Variants in TBCD observed in about 807,000 individuals in gnomAD.
The protein encoded by TBCD is tubulin-specific chaperone D.
Under a neutral mutation model 169.3 loss-of-function variants are expected in TBCD, and 105 were observed. The observed-to-expected ratio is 0.62, with a 90% confidence interval of 0.53 to 0.73. TBCD has a LOEUF of 0.73. Among genes scored for constraint, TBCD ranks in the 30% least tolerant of loss-of-function variants. The pLI, the probability that TBCD is intolerant of heterozygous loss-of-function variation, is 0.00. For missense variants in TBCD, 1,444 were observed against 1,600.1 expected, an observed-to-expected ratio of 0.90 and a Z score of 1.66; for synonymous variants, 700 against 643.9, an observed-to-expected ratio of 1.09 and a Z score of -1.32.
intron 14 of TBCD, among the ~76,000 whole-genome samples, chr17:82,878,777 G>A (rs1449623337): frequency 6.6e-6 from 1 of 152,182 alleles, no homozygotes; most frequent in Non-Finnish European, 1.5e-5. Context: ...AGACCTTGTT[G>A]TGTGGTCTGG....
In TBCD at chr17:82,797,787, G is replaced by A. The variant is rs746762918; in HGVS notation, c.802G>A (p.Asp268Asn). ...AATATTTAAACATGGAAAACGTGAA[G>A]ACTGTTTGCCCTATGGTAAGGTTTA... ...AQIFKHGKRE[D>N]CLPYAATVLR... Residue 268 changes from aspartate (D) to asparagine (N), a missense_variant, in exon 8 of 39, where the codon GAC becomes AAC. By Grantham distance (23) the Asp-to-Asn change is conservative (BLOSUM62 1). Coordinates refer to ENST00000355528, the MANE Select transcript of TBCD (RefSeq NM_005993.5). 1 of 1,569,386 alleles carries A rather than the reference G, an allele frequency of 6.4e-7. No individual in the cohort carries two copies. The highest frequency in any genetic ancestry group is 1.2e-5 in the South Asian group (1 of 84,128).
rs572235532 is a variant in TBCD at position 82,808,170 on chromosome 17, A to G, written c.1148+502A>G. On this transcript the variant is annotated intron_variant, in intron 11 of 38. Coordinates refer to ENST00000355528, the MANE Select transcript of TBCD (RefSeq NM_005993.5). Reference sequence around the variant, plus strand: ...CCAGTGGGGCCTGGCCTTGAACACAACAGGTGGAGCCCTGGCCTGGAGGAG... The same window carrying G: ...CCAGTGGGGCCTGGCCTTGAACACAGCAGGTGGAGCCCTGGCCTGGAGGAG... Among the ~76,000 whole-genome samples, 568 of 152,168 alleles carry G rather than the reference A, an allele frequency of 3.7e-3. 7 individuals carry two copies. Among genetic ancestry groups the G allele is most frequent in the Non-Finnish European group, 3.0e-3 (207 of 67,984 alleles).
intron 9 of TBCD, among the ~76,000 whole-genome samples, chr17:82,802,906 C>A (rs1322603914): frequency 6.6e-6 from 1 of 152,254 alleles, no homozygotes; most frequent in Non-Finnish European, 1.5e-5. Flanking sequence ...AGAAAATAAT[C>A]CAGTATCCTA....
chr17:82,846,262 T>C (rs8068903), intron 13 of TBCD, among the ~76,000 whole-genome samples: 26,018 of 67,678 alleles, frequency 0.38, 5,398 homozygotes, highest in South Asian at 0.48. Context: ...CGCTGCGTCC[T>C]CTGTGCTGTG....
In TBCD at chr17:82,752,178, TC is replaced by T. The variant is rs1407796204; in HGVS notation, c.-12del. The T allele has an allele frequency of 4.0e-6, 6 of 1,506,914 alleles. No individual in the cohort carries two copies. The highest frequency in any genetic ancestry group is 2.9e-5 in the African/African-American group (2 of 68,662). 93.3% of individuals were successfully genotyped at this position (1,506,914 alleles called of 1,614,324 possible). A position where few individuals can be genotyped will look rare whatever the true frequency, so the allele number is the denominator to read the frequency against. ...GCGAACACGTGAGGCGGGGGCGCGGTCCCCAGGCTGCCGAGATGGCCCTGAG... is the reference window on the plus strand; with the variant it reads ...GCGAACACGTGAGGCGGGGGCGCGGTCCCAGGCTGCCGAGATGGCCCTGAG... On this transcript the variant is annotated 5_prime_UTR_variant, in exon 1 of 39. Transcript: ENST00000355528.
chr17:82,830,622 C>T (rs758825441), intron 13 of TBCD: 4 of 1,613,900 alleles, frequency 2.5e-6, no homozygotes, highest in East Asian at 2.2e-5. Context: ...AGGCAGGCCT[C>T]GGAGCCTGGG....
intron 8 of TBCD, among the ~76,000 whole-genome samples, chr17:82,798,151 AT>A (rs11288367): frequency 0.52 from 61,201 of 117,782 alleles, 13,915 homozygotes; most frequent in African/African-American, 0.58. Flanking sequence ...TAATTTTTGT[AT>A]TTTTTTTTTT....
At chr17:82,754,527 T>A (rs1000375890) in intron 1 of TBCD, among the ~76,000 whole-genome samples, 2 of 152,238 alleles carry the variant, frequency 1.3e-5, no homozygotes, top group African/African-American at 4.8e-5. Context: ...GGTTACGCCT[T>A]AGCGGAATTC....
chr17:82,810,839 G>T (rs1361830875), intron 12 of TBCD, among the ~76,000 whole-genome samples: 1 of 152,196 alleles, frequency 6.6e-6, no homozygotes, highest in African/African-American at 2.4e-5. Context: ...CAGTCACCAG[G>T]GACAGCTCCG....
chr17:82,929,315 G>A, intron 31 of TBCD, 44 bp downstream of exon 31: 1 of 1,610,478 alleles, frequency 6.2e-7, no homozygotes, highest in South Asian at 1.1e-5. Flanking sequence ...CCGCAGCCAT[G>A]GCGAGATCAT....
chr17:82,934,836 C>CGAG (rs1353151497), intron 34 of TBCD, among the ~76,000 whole-genome samples: 1 of 152,108 alleles, frequency 6.6e-6, no homozygotes, highest in Non-Finnish European at 1.5e-5. Flanking sequence ...CCATGGCTCA[C>CGAG]GCCTGTAATC....
At chr17:82,840,069 C>T (rs887352440) in intron 13 of TBCD, 5 of 152,280 alleles carry the variant, frequency 3.3e-5, no homozygotes, top group South Asian at 2.1e-4. Flanking sequence ...GGAGTTGAGC[C>T]CTCGGGGCGT....
Position 82,772,464 on chromosome 17 carries a change from G to C in TBCD, c.595G>C (p.Val199Leu). 6.2e-7 allele frequency: 1 copy of C among 1,613,970 alleles called. No homozygotes were observed. Among genetic ancestry groups the C allele is most frequent in the Non-Finnish European group, 8.5e-7 (1 of 1,179,896 alleles). The change falls in exon 6 of 39, where the codon GTC becomes CTC. Residue 199 changes from valine to leucine, a missense_variant. Physicochemically the swap from Val to Leu is conservative, Grantham distance 32 (BLOSUM62 1). Transcript: ENST00000355528. Reference sequence around the variant, plus strand: ...CCCTTTCTTGCAGTCCTACTTGATTGTCAGTGACAAGGCCCGAGATGCAGC... The same window carrying C: ...CCCTTTCTTGCAGTCCTACTTGATTCTCAGTGACAAGGCCCGAGATGCAGC... ...ILQIAESYLIVSDKARDAAAV... is the reference protein window; with the variant it reads ...ILQIAESYLILSDKARDAAAV...
At chr17:82,755,316 G>A (rs2047344979) in intron 1 of TBCD, among the ~76,000 whole-genome samples, 1 of 152,118 alleles carries the variant, frequency 6.6e-6, no homozygotes, top group South Asian at 2.1e-4. Context: ...AGACTAAAAA[G>A]GTACCAGACT....
intron 13 of TBCD, among the ~76,000 whole-genome samples, chr17:82,827,615 C>T (rs1395291741): frequency 1.3e-5 from 2 of 152,150 alleles, no homozygotes; most frequent in Non-Finnish European, 2.9e-5. Flanking sequence ...TGCATACACA[C>T]GTGTACATGT....
At chr17:82,790,445 C>T (rs2049630636) in intron 7 of TBCD, among the ~76,000 whole-genome samples, 1 of 152,188 alleles carries the variant, frequency 6.6e-6, no homozygotes, top group African/African-American at 2.4e-5. Flanking sequence ...GCCTCGGAAG[C>T]AGGAGGGCTC....
chr17:82,848,201 G>A (rs1282326628), intron 13 of TBCD, among the ~76,000 whole-genome samples: 4 of 152,176 alleles, frequency 2.6e-5, no homozygotes, highest in Admixed American at 1.3e-4. Flanking sequence ...CGCCCTGAGC[G>A]GCCTCGGAAA....
At position 82,862,075 on chromosome 17, in the gene TBCD, A is replaced by C. The variant is rs575462681; in HGVS notation, c.1319-8149A>C. 1.8e-3 allele frequency among the ~76,000 whole-genome samples: 272 copies of C among 151,960 alleles called. 1 individual carries two copies. The highest frequency in any genetic ancestry group is 2.9e-3 in the Non-Finnish European group (199 of 67,954). On this transcript the variant is annotated intron_variant, in intron 13 of 38. Transcript: ENST00000355528. ...GTAGCTGGGACTACAGGCGCCCGCC[A>C]CCTTGCCCGGCTAATTTTTTGTATT...
At chr17:82,870,113 C>T in intron 13 of TBCD, 111 bp from the exon 14 acceptor site, 1 of 1,456,440 alleles carries the variant, frequency 6.9e-7, no homozygotes, top group Non-Finnish European at 9.4e-7. Context: ...TTGCGTGCCT[C>T]ACTCATCTGG....
Sources: gnomAD v4.1 joint callset for allele counts (sites outside exome capture counted in the v4.1 genomes callset) on GRCh38, gnomAD v4.1.1 for gene constraint, MANE v1.5 for transcripts, NCBI Gene and HGNC (gene_info 2026-07-23, HGNC 2026-07-21) for gene names.